Variants in TTLL8 observed in about 807,000 individuals in gnomAD.
TTLL8 encodes the protein tubulin tyrosine ligase like 8, also known as protein monoglycylase TTLL8.
TTLL8 carries 65 observed loss-of-function variants against 77.8 expected under a neutral mutation model. The ratio of observed to expected loss-of-function variants is 0.84; its 90% CI spans 0.68 to 1.03. The LOEUF (loss-of-function observed/expected upper bound fraction) is 1.03, where lower values mean the gene tolerates loss of function less well. Among genes scored for constraint, TTLL8 ranks in the 50% least tolerant of loss-of-function variants. The probability of loss-of-function intolerance (pLI) is 0.00; values close to 1 mark genes in which losing one functional copy is unlikely to be tolerated. For missense variants in TTLL8, 910 were observed against 1,004.5 expected (o/e 0.91, Z 1.27); for synonymous variants, 402 against 422.8 (o/e 0.95, Z 0.60).
intron 3 of TTLL8, among the ~76,000 whole-genome samples, chr22:50,048,421 C>T (rs1042362549): frequency 3.3e-5 from 5 of 152,106 alleles, no homozygotes; most frequent in Admixed American, 6.5e-5. Context: ...CAGAAAAACC[C>T]TCGCCCCTGG....
chr22:50,054,649 T>TA (rs902863351), upstream of TTLL8: 4 of 200,114 alleles, frequency 2.0e-5, no homozygotes, highest in African/African-American at 9.5e-5. Context: ...GATAAGCAGA[T>TA]AAACAGATAA....
At chr22:50,051,395 C>T (rs370089635) in intron 1 of TTLL8, among the ~76,000 whole-genome samples, 14 of 152,234 alleles carry the variant, frequency 9.2e-5, no homozygotes, top group African/African-American at 3.1e-4. Context: ...AGCAGTATTC[C>T]GTGGTGCAGA....
intron 12 of TTLL8, among the ~76,000 whole-genome samples, chr22:50,028,175 C>G (rs932382083): frequency 6.6e-6 from 1 of 152,212 alleles, no homozygotes; most frequent in Non-Finnish European, 1.5e-5. Context: ...GAGGGAGAAC[C>G]CTGGTGGCAT....
chr22:50,038,869 G>T (rs1159818079), intron 8 of TTLL8, among the ~76,000 whole-genome samples: 1 of 151,894 alleles, frequency 6.6e-6, no homozygotes, highest in Admixed American at 6.6e-5. Context: ...AATTTACTAG[G>T]ACAGGTATTA....
At chr22:50,054,541 C>T (rs12166094) in intron 1 of TTLL8, 25,549 of 203,478 alleles carry the variant, frequency 0.13, 1,745 homozygotes, top group South Asian at 0.19. Context: ...GCACAGTGAG[C>T]GTCCCTAAGG....
At chr22:50,039,975 T>C (rs1264696644) in intron 8 of TTLL8, among the ~76,000 whole-genome samples, 40 of 116,898 alleles carry the variant, frequency 3.4e-4, no homozygotes, top group Middle Eastern at 9.6e-3. Context: ...ACAGACCTCA[T>C]GTGTGCCAGC....
In TTLL8 at chr22:50,041,404, T is replaced by C; in HGVS notation, c.831-127A>G. The C allele has an allele frequency of 1.0e-6, 1 of 967,160 alleles. No homozygotes were observed. Among genetic ancestry groups the C allele is most frequent in the Non-Finnish European group, 1.4e-6 (1 of 702,454 alleles). The allele number at this position is 967,160 out of a possible 1,614,324, so 59.9% of individuals were successfully genotyped here. A position where few individuals can be genotyped will look rare whatever the true frequency, so the allele number is the denominator to read the frequency against. On this transcript the variant is annotated intron_variant, in intron 7 of 13. Transcript: ENST00000266182. This position sits in a 1 kb window ranked among gnomAD's most constrained non-coding sequence, Gnocchi z 4.3. ...CAGACACCCCAATACCCAACAAGTA[T>C]CCCAGACATCCAGACAGACACCACA...
At chr22:50,054,438 G>C (rs2061460158) in intron 1 of TTLL8, 1 of 165,920 alleles carries the variant, frequency 6.0e-6, no homozygotes, top group South Asian at 2.1e-4. Flanking sequence ...CTCCTGGGGA[G>C]GGAGAGTGCC....
At chr22:50,056,678 G>A (rs985819154), upstream of TTLL8, 6 of 867,528 alleles carry the variant, frequency 6.9e-6, no homozygotes, top group African/African-American at 5.5e-5. The surrounding 1 kb of genome is among the most constrained non-coding windows in gnomAD (Gnocchi z 4.1). Context: ...GGAGGCAGGA[G>A]CCAGCGCCCC....
intron 8 of TTLL8, among the ~76,000 whole-genome samples, chr22:50,036,938 C>T (rs778406617): frequency 5.3e-5 from 8 of 152,072 alleles, no homozygotes; most frequent in Non-Finnish European, 8.8e-5. Flanking sequence ...GATTCATCCA[C>T]GCTGCAGCAT....
chr22:50,051,439 A>G (rs1221884853), intron 1 of TTLL8, among the ~76,000 whole-genome samples: 3 of 152,194 alleles, frequency 2.0e-5, no homozygotes, highest in Non-Finnish European at 4.4e-5. Context: ...TCGTTGGTTG[A>G]TGGGCATTTT....
In TTLL8 at chr22:50,033,201, C is replaced by T. The variant is rs1187230383; in HGVS notation, c.1283+1G>A. ...GTGTCCAGGTCGCCCACCGCACTGA[C>T]CTGTCCAGCTTGTCCAGGGAGAAGC... On this transcript the variant is annotated splice_donor_variant, in intron 10 of 13. Transcript: ENST00000266182. LOFTEE classifies it high-confidence loss of function. 7.4e-7 allele frequency: 1 copy of T among 1,347,218 alleles called. No individual in the cohort carries two copies. The highest frequency in any genetic ancestry group is 1.2e-5 in the South Asian group (1 of 85,066). The allele number at this position is 1,347,218 out of a possible 1,614,324, so 83.5% of individuals were successfully genotyped here. A position where few individuals can be genotyped will look rare whatever the true frequency, so the allele number is the denominator to read the frequency against.
In TTLL8 at chr22:50,050,365, C is replaced by A; in HGVS notation, c.52-118G>T. On this transcript the variant is annotated intron_variant, in intron 1 of 13. Coordinates refer to ENST00000266182, the Ensembl canonical transcript of TTLL8. ...TCTGAGATTTGGGGGCACCCATCAC[C>A]CAATATGTCCTTTTTTTTTTTTTTT... 4.9e-6 allele frequency: 3 copies of A among 614,674 alleles called. No individual in the cohort carries two copies. The South Asian group carries it at 5.0e-5, about 10-fold the overall frequency. The allele number at this position is 614,674 out of a possible 1,614,324, so 38.1% of individuals were successfully genotyped here.
intron 12 of TTLL8, among the ~76,000 whole-genome samples, chr22:50,019,325 T>C (rs2061182106): frequency 6.6e-6 from 1 of 152,114 alleles, no homozygotes; most frequent in Non-Finnish European, 1.5e-5. Flanking sequence ...AAAAGTTAAA[T>C]GAAATCAAAT....
At chr22:50,039,244 T>TGAATTAATTAAATTTAATTAAC (rs1260181954) in intron 8 of TTLL8, among the ~76,000 whole-genome samples, 1 of 152,236 alleles carries the variant, frequency 6.6e-6, no homozygotes, top group African/African-American at 2.4e-5. Flanking sequence ...TTTTAATTAA[T>TGAATTAATTAAATTTAATTAAC]GAATTAATTA....
chr22:50,054,070 G>A (rs1304723582), intron 1 of TTLL8, among the ~76,000 whole-genome samples: 3 of 152,184 alleles, frequency 2.0e-5, no homozygotes, highest in African/African-American at 7.2e-5. Flanking sequence ...TCACCATGCC[G>A]TGCACCTGCA....
At chr22:50,039,694 C>A (rs545830539) in intron 8 of TTLL8, among the ~76,000 whole-genome samples, 1 of 149,476 alleles carries the variant, frequency 6.7e-6, no homozygotes, top group Admixed American at 6.6e-5. Flanking sequence ...ATGGACCTCA[C>A]GGATCTCATG....
At chr22:50,035,563 G>A (rs2061330408) in intron 8 of TTLL8, among the ~76,000 whole-genome samples, 4 of 152,188 alleles carry the variant, frequency 2.6e-5, no homozygotes, top group South Asian at 4.1e-4. Flanking sequence ...GGTGAGCGCC[G>A]AGCACTCCTG....
chr22:50,041,789 GC>G lies in TTLL8; in HGVS notation c.661del (p.Ala221GlnfsTer48). The G allele has an allele frequency of 1.5e-6, 2 of 1,362,620 alleles. No homozygotes were observed. The highest frequency in any genetic ancestry group is 2.0e-6 in the Non-Finnish European group (2 of 1,020,168). The allele number at this position is 1,362,620 out of a possible 1,614,324, so 84.4% of individuals were successfully genotyped here. A position where few individuals can be genotyped will look rare whatever the true frequency, so the allele number is the denominator to read the frequency against. The stretch of plus-strand genomic sequence containing the variant: ...CTGCCCCGGGAGGCCCCTGAGCTTT[GC>G]CTCAGCATTTTCAGCATCTGAAACC... On this transcript the variant is annotated frameshift_variant, in exon 7 of 14. Coordinates refer to ENST00000266182, the Ensembl canonical transcript of TTLL8. LOFTEE classifies it high-confidence loss of function. This position sits in a 1 kb window ranked among gnomAD's most constrained non-coding sequence, Gnocchi z 4.3.
Sources: allele counts gnomAD v4.1 joint callset (sites outside exome capture counted in the v4.1 genomes callset), GRCh38; gene constraint gnomAD v4.1.1; non-coding constraint Gnocchi (gnomAD v3.1); transcripts MANE v1.5; gene names NCBI Gene and HGNC (gene_info 2026-07-23, HGNC 2026-07-21).